UTS2B: variants seen among roughly 807,000 people sequenced by gnomAD.
The protein encoded by UTS2B is urotensin-2B.
Under a neutral mutation model 19.2 loss-of-function variants are expected in UTS2B, and 21 were observed. That is an observed-to-expected ratio of 1.09 (90% CI 0.78 to 1.58). The LOEUF (loss-of-function observed/expected upper bound fraction) is 1.58, where lower values mean the gene tolerates loss of function less well. Ranked by LOEUF, UTS2B falls within the 40% of genes most tolerant of loss-of-function variation. The probability of loss-of-function intolerance (pLI) is 0.00; values close to 1 mark genes in which losing one functional copy is unlikely to be tolerated. For synonymous variants in UTS2B, 57 were observed against 50.2 expected (o/e 1.14, Z -0.58); for missense variants, 138 against 130.3 (o/e 1.06, Z -0.29).
rs116161529 is a variant in UTS2B at position 191,281,540 on chromosome 3, T to C, written c.103+547A>G. ...CTAGCTGTCATAGATGGAAATGTGA[T>C]AAACAATGTGTAATGTAGGTGTTAG... On this transcript the variant is annotated intron_variant, in intron 5 of 8. Coordinates refer to ENST00000340524, the MANE Select transcript of UTS2B (RefSeq NM_198152.5). Among the ~76,000 whole-genome samples, 424 of 151,852 alleles carry C rather than the reference T, an allele frequency of 2.8e-3. 5 individuals are homozygous for C. Among genetic ancestry groups the C allele is most frequent in the African/African-American group, 9.6e-3 (399 of 41,520 alleles).
intron 3 of UTS2B, among the ~76,000 whole-genome samples, chr3:191,313,771 C>G (rs534754826): frequency 6.9e-6 from 1 of 144,484 alleles, no homozygotes; most frequent in Non-Finnish European, 1.5e-5. Context: ...CACTCTGTCG[C>G]CCAGGCTAGA....
At chr3:191,322,222 AAC>A (rs2108614446) in intron 2 of UTS2B, among the ~76,000 whole-genome samples, 2 of 152,328 alleles carry the variant, frequency 1.3e-5, no homozygotes, top group Non-Finnish European at 2.9e-5. Flanking sequence ...ATTGGCAGAT[AAC>A]ACTATCCAAA....
intron 3 of UTS2B, among the ~76,000 whole-genome samples, chr3:191,307,986 C>T (rs964339010): frequency 6.6e-6 from 1 of 152,078 alleles, no homozygotes; most frequent in Admixed American, 6.5e-5. Flanking sequence ...TAGGCACACT[C>T]CACCATGTCC....
chr3:191,343,389 C>T, the UTS2B span, among the ~76,000 whole-genome samples: 1 of 152,060 alleles, frequency 6.6e-6, no homozygotes, highest in Non-Finnish European at 1.5e-5. Flanking sequence ...CTGAATATCT[C>T]AAAGAGCCAG....
chr3:191,283,324 C>T (rs186785358), intron 4 of UTS2B, among the ~76,000 whole-genome samples: 231 of 152,272 alleles, frequency 1.5e-3, no homozygotes, highest in African/African-American at 5.1e-3. Flanking sequence ...GACATGGTTG[C>T]CTAGAATCCT....
At position 191,329,800 on chromosome 3, in the gene UTS2B, C is replaced by T. The variant is rs1299307620; in HGVS notation, c.-665+614G>A. Reference sequence around the variant, plus strand: ...GGTTCTCTCAGGTCAGGGGCGTTGCCATTTCGGCTCCCGCGGCCCTCGCCC... The same window carrying T: ...GGTTCTCTCAGGTCAGGGGCGTTGCTATTTCGGCTCCCGCGGCCCTCGCCC... On this transcript the variant is annotated intron_variant, in intron 1 of 8. Transcript: ENST00000340524. 4.0e-6 allele frequency: 6 copies of T among 1,488,292 alleles called. No individual in the cohort carries two copies. In the South Asian group the frequency reaches 4.9e-5, roughly 12 times the overall value. The allele number at this position is 1,488,292 out of a possible 1,614,324, so 92.2% of individuals were successfully genotyped here.
At chr3:191,292,394 T>G (rs1287409377) in intron 4 of UTS2B, among the ~76,000 whole-genome samples, 1 of 152,206 alleles carries the variant, frequency 6.6e-6, no homozygotes, top group Non-Finnish European at 1.5e-5. Flanking sequence ...TAATTTTATT[T>G]TTTGCGTTGT....
chr3:191,288,496 A>G (rs961867965), intron 4 of UTS2B, among the ~76,000 whole-genome samples: 1 of 152,206 alleles, frequency 6.6e-6, no homozygotes, highest in Non-Finnish European at 1.5e-5. Flanking sequence ...GATTTTCAAC[A>G]AAGATGCCAA....
chr3:191,340,690 T>C, the UTS2B span, among the ~76,000 whole-genome samples: 1 of 152,230 alleles, frequency 6.6e-6, no homozygotes, highest in Non-Finnish European at 1.5e-5. Flanking sequence ...TTTTAGACAT[T>C]CTGATTTCCC....
intron 7 of UTS2B, among the ~76,000 whole-genome samples, chr3:191,275,846 A>G (rs1716223128): frequency 6.6e-6 from 1 of 152,146 alleles, no homozygotes; most frequent in Admixed American, 6.6e-5. Flanking sequence ...GAGAAGAAAA[A>G]CAGGGAGCAT....
intron 8 of UTS2B, among the ~76,000 whole-genome samples, chr3:191,271,147 TG>T (rs1350089124): frequency 7.6e-6 from 1 of 131,408 alleles, no homozygotes; most frequent in African/African-American, 3.0e-5. Context: ...GAGGTTGCAG[TG>T]AGCAGAGATC....
chr3:191,282,168 T>C lies in UTS2B; in HGVS notation c.22A>G (p.Thr8Ala). 1 of 1,612,794 alleles carries C rather than the reference T, an allele frequency of 6.2e-7. No individual in the cohort carries two copies. Among genetic ancestry groups the C allele is most frequent in the Non-Finnish European group, 8.5e-7 (1 of 1,179,388 alleles). ...AAAGTTAGGAGTCCAAAGCAAACAG[T>C]GCTTGAGAGGATCTTGTTCATGTTA... MNKILSS[T>A]VCFGLLTLLS... is the part of the protein sequence containing the mutation. The change falls in exon 5 of 9, where the codon ACT becomes GCT. Residue 8 changes from threonine (T) to alanine (A), a missense_variant. Physicochemically the swap from Thr to Ala is moderately conservative, Grantham distance 58. Coordinates refer to ENST00000340524, the MANE Select transcript of UTS2B (RefSeq NM_198152.5).
intron 5 of UTS2B, among the ~76,000 whole-genome samples, chr3:191,279,185 A>G (rs1433476125): frequency 2.6e-5 from 4 of 152,072 alleles, no homozygotes; most frequent in African/African-American, 9.7e-5. Context: ...ACAGGATCAC[A>G]GTTTTCTACA....
the UTS2B span, among the ~76,000 whole-genome samples, chr3:191,335,632 C>T: frequency 2.6e-5 from 4 of 151,904 alleles, no homozygotes; most frequent in African/African-American, 9.7e-5. Context: ...TACACACATA[C>T]ATTAAGTGTG....
chr3:191,333,408 T>C (rs1718051262), upstream of UTS2B, among the ~76,000 whole-genome samples: 1 of 152,166 alleles, frequency 6.6e-6, no homozygotes, highest in Non-Finnish European at 1.5e-5. Context: ...GTGAACCCAG[T>C]AGTCTAAGAA....
At chr3:191,332,682 T>A (rs1264254679), upstream of UTS2B, among the ~76,000 whole-genome samples, 3 of 152,224 alleles carry the variant, frequency 2.0e-5, no homozygotes, top group Non-Finnish European at 4.4e-5. Flanking sequence ...AAACATATTT[T>A]TGTAAAAAAC....
At chr3:191,286,543 G>C (rs1237850972) in intron 4 of UTS2B, among the ~76,000 whole-genome samples, 1 of 151,942 alleles carries the variant, frequency 6.6e-6, no homozygotes, top group Non-Finnish European at 1.5e-5. Context: ...GAAATTAAAA[G>C]GGAAATATAA....
intron 4 of UTS2B, among the ~76,000 whole-genome samples, chr3:191,288,928 A>AG (rs556937536): frequency 6.6e-6 from 1 of 152,340 alleles, no homozygotes; most frequent in East Asian, 1.9e-4. Context: ...GCAAAAACAA[A>AG]CGAGATTACA....
At position 191,276,834 on chromosome 3, in the gene UTS2B, T is replaced by TAAGG. The variant is rs750985159; in HGVS notation, c.209_212dup (p.Leu71PhefsTer4). The TAAGG allele has an allele frequency of 1.3e-5, 21 of 1,612,020 alleles. No homozygotes were observed. The East Asian group carries it at 4.5e-4, about 34-fold the overall frequency. On this transcript the variant is annotated frameshift_variant, in exon 7 of 9. Coordinates refer to ENST00000340524, the MANE Select transcript of UTS2B (RefSeq NM_198152.5). LOFTEE classifies it high-confidence loss of function. ...GGTTAAGTTCTTCCAGTTTGTTAGG[T>TAAGG]AAGGCTAGGTCTGCAAGACACATTT...
Sources: allele counts gnomAD v4.1 joint callset (sites outside exome capture counted in the v4.1 genomes callset), GRCh38; gene constraint gnomAD v4.1.1; transcripts MANE v1.5; gene names NCBI Gene and HGNC (gene_info 2026-07-23, HGNC 2026-07-21).